ZBBX: variants seen among roughly 807,000 people sequenced by gnomAD.
The protein encoded by ZBBX is zinc finger B-box domain-containing protein 1.
In ZBBX, 101 loss-of-function variants were observed where a neutral mutation model predicts 108.5. That is an observed-to-expected ratio of 0.93 (90% confidence interval 0.79 to 1.10). The LOEUF (loss-of-function observed/expected upper bound fraction) is 1.10, where lower values mean the gene tolerates loss of function less well. ZBBX is among the 50% of genes least tolerant of loss of function. The pLI is 0.00. For synonymous variants in ZBBX, 356 were observed against 323.4 expected (o/e 1.10, Z -1.08); for missense variants, 1,009 against 941.4 (o/e 1.07, Z -0.94).
At chr3:167,354,177 T>G (rs1186519370) in intron 8 of ZBBX, among the ~76,000 whole-genome samples, 1 of 151,958 alleles carries the variant, frequency 6.6e-6, no homozygotes, top group Non-Finnish European at 1.5e-5. Context: ...TTAACCTTCA[T>G]GATCACATGG....
At chr3:167,204,204 T>TC in the ZBBX span, among the ~76,000 whole-genome samples, 11 of 149,986 alleles carry the variant, frequency 7.3e-5, no homozygotes, top group Non-Finnish European at 1.2e-4. Flanking sequence ...TTTTCTTTTT[T>TC]TTTTTTTTAA....
intron 10 of ZBBX, among the ~76,000 whole-genome samples, chr3:167,330,162 T>C (rs1431941525): frequency 6.6e-6 from 1 of 152,048 alleles, no homozygotes; most frequent in Non-Finnish European, 1.5e-5. Flanking sequence ...AATGAGAAGG[T>C]TGTAGGATGT....
At chr3:167,314,207 T>C (rs1732147995) in intron 15 of ZBBX, 91 bp from the exon 16 acceptor site, 3 of 1,085,020 alleles carry the variant, frequency 2.8e-6, no homozygotes, top group Non-Finnish European at 2.5e-6. Flanking sequence ...AAAACAAATA[T>C]AGTAAAACTT....
At chr3:167,347,290 A>G (rs996109129) in intron 9 of ZBBX, among the ~76,000 whole-genome samples, 3 of 152,054 alleles carry the variant, frequency 2.0e-5, no homozygotes, top group African/African-American at 7.2e-5. Flanking sequence ...ACATACATAT[A>G]CATGTAAAAT....
chr3:167,378,475 T>C (rs1416604816), intron 2 of ZBBX, among the ~76,000 whole-genome samples: 1 of 152,234 alleles, frequency 6.6e-6, no homozygotes, highest in Non-Finnish European at 1.5e-5. Flanking sequence ...ATAAGATCTT[T>C]GTGTGATAGA....
intron 19 of ZBBX, among the ~76,000 whole-genome samples, chr3:167,286,124 A>T (rs141228195): frequency 1.8e-4 from 28 of 152,280 alleles, no homozygotes; most frequent in African/African-American, 6.0e-4. Context: ...ATGGAAAAGA[A>T]TCAATCATAT....
At chr3:167,256,368 G>T (rs1208787415) in intron 20 of ZBBX, among the ~76,000 whole-genome samples, 1 of 151,994 alleles carries the variant, frequency 6.6e-6, no homozygotes, top group Non-Finnish European at 1.5e-5. Flanking sequence ...TACATGAAAT[G>T]TTTTGATATA....
the ZBBX span, among the ~76,000 whole-genome samples, chr3:167,225,709 G>A: frequency 2.0e-5 from 3 of 151,804 alleles, no homozygotes; most frequent in South Asian, 4.2e-4. Flanking sequence ...ATCAGGGAAC[G>A]GGGTGCTCTG....
At chr3:167,329,700 GT>G (rs1223751495) in intron 10 of ZBBX, among the ~76,000 whole-genome samples, 2 of 152,194 alleles carry the variant, frequency 1.3e-5, no homozygotes, top group African/African-American at 4.8e-5. Context: ...ACTATAAGCA[GT>G]TTGCATTGAT....
downstream of ZBBX, among the ~76,000 whole-genome samples, chr3:167,235,037 G>A (rs186067931): frequency 7.2e-4 from 109 of 151,858 alleles, no homozygotes; most frequent in African/African-American, 2.6e-3. Flanking sequence ...TGTAGCTGCT[G>A]TAGTAGTCCA....
chr3:167,385,256 A>G (rs1340952674), upstream of ZBBX, among the ~76,000 whole-genome samples: 1 of 152,002 alleles, frequency 6.6e-6, no homozygotes, highest in Admixed American at 6.6e-5. Context: ...ATGCTACTGT[A>G]CTGAATACTA....
At chr3:167,190,913 G>A in the ZBBX span, among the ~76,000 whole-genome samples, 2 of 152,142 alleles carry the variant, frequency 1.3e-5, no homozygotes, top group Admixed American at 1.3e-4. Context: ...AGGAATTAGG[G>A]TCTATGCTTA....
At chr3:167,354,338 C>T (rs564830526) in intron 8 of ZBBX, among the ~76,000 whole-genome samples, 166 of 151,802 alleles carry the variant, frequency 1.1e-3, no homozygotes, top group African/African-American at 3.9e-3. Flanking sequence ...AATGGTAAGT[C>T]AGGGACCATT....
At chr3:167,228,578 G>A in the ZBBX span, among the ~76,000 whole-genome samples, 2 of 151,772 alleles carry the variant, frequency 1.3e-5, no homozygotes, top group East Asian at 1.9e-4. Context: ...CCCACAATGC[G>A]TTTGCATTCC....
intron 20 of ZBBX, among the ~76,000 whole-genome samples, chr3:167,276,296 C>T (rs1727565557): frequency 6.6e-6 from 1 of 151,458 alleles, no homozygotes; most frequent in Non-Finnish European, 1.5e-5. Flanking sequence ...TTACTCCGCG[C>T]TACGGGAGAA....
the ZBBX span, among the ~76,000 whole-genome samples, chr3:167,202,123 T>G: frequency 6.6e-6 from 1 of 152,132 alleles, no homozygotes; most frequent in Non-Finnish European, 1.5e-5. Context: ...ATCTGAGGCA[T>G]AATAATGTTA....
chr3:167,266,873 A>G (rs780080907), intron 20 of ZBBX, among the ~76,000 whole-genome samples: 21 of 152,044 alleles, frequency 1.4e-4, no homozygotes, highest in Non-Finnish European at 2.8e-4. Flanking sequence ...CTTTCCCGTG[A>G]GAAGGCACGC....
chr3:167,334,077 T>C, intron 9 of ZBBX, 92 bp from the exon 10 acceptor site: 1 of 831,250 alleles, frequency 1.2e-6, no homozygotes, highest in Middle Eastern at 3.9e-4. Flanking sequence ...ATTCTATGAC[T>C]CCCAGAATTA....
chr3:167,279,095 A>G (rs1202860434), intron 20 of ZBBX, among the ~76,000 whole-genome samples: 16 of 150,884 alleles, frequency 1.1e-4, no homozygotes, highest in East Asian at 2.0e-4. Flanking sequence ...TTGATGGGAC[A>G]TATTTCAAAA....
Sources: gnomAD v4.1 joint callset for allele counts (sites outside exome capture counted in the v4.1 genomes callset) on GRCh38, gnomAD v4.1.1 for gene constraint, MANE v1.5 for transcripts, NCBI Gene and HGNC (gene_info 2026-07-23, HGNC 2026-07-21) for gene names.